Variants in UNC45B observed in about 807,000 individuals in gnomAD.
UNC45B encodes protein unc-45 homolog B.
A neutral mutation model predicts 98.7 loss-of-function variants in UNC45B; 78 were observed. The ratio of observed to expected loss-of-function variants is 0.79; its 90% CI spans 0.66 to 0.95. The LOEUF is 0.95. Among genes scored for constraint, UNC45B ranks in the 40% least tolerant of loss-of-function variants. The pLI, the probability that UNC45B is intolerant of heterozygous loss-of-function variation, is 0.00. For synonymous variants in UNC45B, 462 were observed against 480.4 expected (o/e 0.96, Z 0.50); for missense variants, 1,225 against 1,184.9 (o/e 1.03, Z -0.50).
At chr17:35,177,215 GC>G (rs2092240740) in intron 16 of UNC45B, 85 bp downstream of exon 16, 1 of 1,264,782 alleles carries the variant, frequency 7.9e-7, no homozygotes, top group Admixed American at 2.0e-5. Context: ...TCTACCTCGA[GC>G]CTGGGACAGG....
chr17:35,175,104 G>GAAAGAA (rs1567766106), intron 14 of UNC45B, among the ~76,000 whole-genome samples: 12 of 133,266 alleles, frequency 9.0e-5, no homozygotes, highest in African/African-American at 3.5e-4. Flanking sequence ...AAAGAAAAAA[G>GAAAGAA]AAAAGAAAGA....
chr17:35,168,407 G>T, intron 10 of UNC45B, 46 bp downstream of exon 10: 1 of 1,305,732 alleles, frequency 7.7e-7, no homozygotes. Context: ...AAGGTGCCAT[G>T]CCAGGCACCA....
chr17:35,150,037 C>G lies in UNC45B; in HGVS notation c.206-11C>G, dbSNP rs1283285999. The G allele has an allele frequency of 6.3e-7, 1 of 1,587,564 alleles. No homozygotes were observed. Among genetic ancestry groups the G allele is most frequent in the Non-Finnish European group, 8.6e-7 (1 of 1,165,952 alleles). On this transcript the variant is annotated splice_polypyrimidine_tract_variant and intron_variant, in intron 3 of 19. Transcript: ENST00000394570. ...TCCCTAAGGTCCTCATCCCCCGTCT[C>G]CCCTCGATAGCCATCGACATCAACT...
At chr17:35,162,326 G>A (rs772416896) in intron 8 of UNC45B, among the ~76,000 whole-genome samples, 25 of 152,194 alleles carry the variant, frequency 1.6e-4, no homozygotes, top group Non-Finnish European at 2.5e-4. Flanking sequence ...TAGTGTCAGC[G>A]TTGAATTGTA....
At chr17:35,152,211 G>C (rs925022701) in intron 4 of UNC45B, among the ~76,000 whole-genome samples, 1 of 151,846 alleles carries the variant, frequency 6.6e-6, no homozygotes. Context: ...GTGCCACTGC[G>C]CTCCAGCCTG....
intron 18 of UNC45B, among the ~76,000 whole-genome samples, chr17:35,182,573 C>T (rs908467212): frequency 1.3e-5 from 2 of 152,146 alleles, no homozygotes; most frequent in African/African-American, 4.8e-5. Flanking sequence ...ACTAGGCCAC[C>T]ACCACATCGA....
chr17:35,152,556 C>A (rs62062413), intron 4 of UNC45B, among the ~76,000 whole-genome samples: 2,258 of 152,262 alleles, frequency 0.015, 29 homozygotes, highest in Non-Finnish European at 0.024. Context: ...TCTGTTTTAT[C>A]CCTATTTAAA....
chr17:35,150,124 C>G lies in UNC45B; in HGVS notation c.282C>G (p.Asp94Glu). ...CACTGGAGCACCTGGGGAAGCTGGA[C>G]CAGGCCTTCAAAGACGTGCAGCGTT... ...CQALEHLGKL[D>E]QAFKDVQRCA... The change falls in exon 4 of 20, where the codon GAC becomes GAG. Residue 94 changes from aspartate to glutamate, a missense_variant. By Grantham distance (45) the Asp-to-Glu change is conservative. Coordinates refer to ENST00000394570, the MANE Select transcript of UNC45B (RefSeq NM_001267052.2). The G allele has an allele frequency of 6.2e-7, 1 of 1,613,760 alleles. No individual in the cohort carries two copies. Among genetic ancestry groups the G allele is most frequent in the East Asian group, 2.2e-5 (1 of 44,832 alleles).
chr17:35,157,296 G>A (rs1345784055), intron 7 of UNC45B, among the ~76,000 whole-genome samples: 1 of 151,902 alleles, frequency 6.6e-6, no homozygotes, highest in African/African-American at 2.4e-5. Context: ...CTGGAGTGCG[G>A]TGGCACGATC....
intron 9 of UNC45B, 136 bp from the exon 10 acceptor site, chr17:35,167,925 C>T (rs1002827956): frequency 3.1e-5 from 22 of 704,186 alleles, no homozygotes; most frequent in Admixed American, 1.2e-4. Flanking sequence ...CAGAGAGGTT[C>T]GCTGAATTGC....
At chr17:35,177,978 C>A (rs914219893) in intron 17 of UNC45B, among the ~76,000 whole-genome samples, 1 of 152,038 alleles carries the variant, frequency 6.6e-6, no homozygotes, top group Non-Finnish European at 1.5e-5. Flanking sequence ...CAGCTCACTG[C>A]ACCCTCTGCC....
rs2092239787 is a variant in UNC45B at position 35,177,109 on chromosome 17, C to T, written c.2118C>T (p.Asp706=). Residue 706 remains aspartate, a synonymous_variant, in exon 16 of 20, where the codon GAC becomes GAT. Transcript: ENST00000394570. ...LAKIAAVSNP[D]IAFPGERVYE... is the part of the protein sequence containing the mutation. Reference sequence around the variant, plus strand: ...AGATCGCTGCTGTCTCCAATCCGGACATTGCTTTTCCTGGGGAGCGGGTAG... The same window carrying T: ...AGATCGCTGCTGTCTCCAATCCGGATATTGCTTTTCCTGGGGAGCGGGTAG... 6.2e-7 allele frequency: 1 copy of T among 1,614,148 alleles called. No individual in the cohort carries two copies. The highest frequency in any genetic ancestry group is 8.5e-7 in the Non-Finnish European group (1 of 1,180,032).
At chr17:35,156,359 G>A (rs757513130) in intron 7 of UNC45B, among the ~76,000 whole-genome samples, 13 of 152,150 alleles carry the variant, frequency 8.5e-5, no homozygotes, top group Non-Finnish European at 1.6e-4. Flanking sequence ...CAGGTGCAGC[G>A]ACTCACTCCT....
intron 19 of UNC45B, among the ~76,000 whole-genome samples, chr17:35,185,929 A>T (rs1159535329): frequency 6.6e-6 from 1 of 152,090 alleles, no homozygotes; most frequent in African/African-American, 2.4e-5. Context: ...ACAGCTCAGG[A>T]GGGTGGGAAG....
rs781564548 is a variant in UNC45B at position 35,155,418 on chromosome 17, G to C, written c.762G>C (p.Gly254=). The change falls in exon 7 of 20, where the codon GGG becomes GGC. Residue 254 remains glycine (G), a synonymous_variant. Transcript: ENST00000394570. ...AAGCCATCATTGACTCCTTGTCTGG[G>C]GAGGACAAGCGGGAGCATCGAGGGA... ...LLQAIIDSLS[G]EDKREHRGKE... 1.2e-5 allele frequency: 20 copies of C among 1,614,082 alleles called. No homozygotes were observed. In the South Asian group the frequency reaches 1.6e-4, roughly 13 times the overall value.
At chr17:35,162,069 CTGTTTT>C (rs1056220359) in intron 8 of UNC45B, among the ~76,000 whole-genome samples, 1 of 152,160 alleles carries the variant, frequency 6.6e-6, no homozygotes, top group African/African-American at 2.4e-5. Context: ...TCCTGAGTTT[CTGTTTT>C]TGTTGTTGTT....
intron 4 of UNC45B, among the ~76,000 whole-genome samples, chr17:35,150,745 T>G (rs1259645347): frequency 6.6e-6 from 1 of 151,818 alleles, no homozygotes; most frequent in Non-Finnish European, 1.5e-5. Flanking sequence ...AGCAAGACTC[T>G]GTCTCTCCCA....
intron 3 of UNC45B, among the ~76,000 whole-genome samples, chr17:35,149,795 T>A (rs2092003041): frequency 6.6e-6 from 1 of 152,114 alleles, no homozygotes; most frequent in African/African-American, 2.4e-5. Context: ...CTGGCAGGGA[T>A]CCTGTAGCAG....
At chr17:35,148,584 C>G (rs2091993449) in intron 2 of UNC45B, among the ~76,000 whole-genome samples, 153 bp downstream of exon 2, 1 of 152,176 alleles carries the variant, frequency 6.6e-6, no homozygotes, top group South Asian at 2.1e-4. Context: ...CCCCCTGACC[C>G]ATGCCCCGGA....
Sources: allele counts gnomAD v4.1 joint callset (sites outside exome capture counted in the v4.1 genomes callset), GRCh38; gene constraint gnomAD v4.1.1; transcripts MANE v1.5; gene names NCBI Gene and HGNC (gene_info 2026-07-23, HGNC 2026-07-21).